Variants in POT1 observed in about 807,000 individuals in gnomAD.
The protein encoded by POT1 is protection of telomeres protein 1.
In POT1, 47 loss-of-function variants were observed where a neutral mutation model predicts 78.5. That is an observed-to-expected ratio of 0.60 (90% CI 0.47 to 0.76). The LOEUF (loss-of-function observed/expected upper bound fraction) is 0.76. POT1 is among the 30% of genes least tolerant of loss of function. POT1 has a pLI of 0.00. For synonymous variants in POT1, 259 were observed against 260.7 expected (o/e 0.99, Z 0.06); for missense variants, 646 against 749.9 (o/e 0.86, Z 1.62).
At chr7:124,882,107 TTTA>T (rs1360042661) in intron 6 of POT1, among the ~76,000 whole-genome samples, 7 of 151,954 alleles carry the variant, frequency 4.6e-5, no homozygotes, top group Non-Finnish European at 8.8e-5. Flanking sequence ...GCCTTGGAGT[TTTA>T]TTATAAGGGA....
intron 2 of POT1, among the ~76,000 whole-genome samples, chr7:124,924,631 C>T (rs1436985781): frequency 1.3e-5 from 2 of 151,906 alleles, no homozygotes; most frequent in African/African-American, 2.4e-5. Flanking sequence ...CAAGGTATCA[C>T]CCTGATATCA....
chr7:124,870,434 T>C (rs1020980533), intron 7 of POT1, among the ~76,000 whole-genome samples: 2 of 152,110 alleles, frequency 1.3e-5, no homozygotes, highest in African/African-American at 4.8e-5. Flanking sequence ...TTATTTCTTA[T>C]AAATGAAAAC....
chr7:124,849,049 C>T (rs2116491903), intron 11 of POT1, among the ~76,000 whole-genome samples: 1 of 152,188 alleles, frequency 6.6e-6, no homozygotes, highest in Admixed American at 6.5e-5. Context: ...TTATACATAA[C>T]AGTACATTAT....
intron 6 of POT1, among the ~76,000 whole-genome samples, chr7:124,885,156 T>C (rs1416419828): frequency 6.6e-6 from 1 of 152,024 alleles, no homozygotes; most frequent in Non-Finnish European, 1.5e-5. Context: ...TGATGAGTCA[T>C]TATCAAAACC....
chr7:124,924,169 A>AAC (rs1455776804), intron 2 of POT1, among the ~76,000 whole-genome samples: 1 of 150,040 alleles, frequency 6.7e-6, no homozygotes, highest in East Asian at 1.9e-4. Context: ...AAAAAAAAAA[A>AAC]CCCAAAGGAT....
chr7:124,881,378 G>A (rs1408651466), intron 6 of POT1, among the ~76,000 whole-genome samples: 1 of 151,776 alleles, frequency 6.6e-6, no homozygotes, highest in African/African-American at 2.4e-5. Context: ...GCACATGACT[G>A]TACTTTATTT....
intron 3 of POT1, among the ~76,000 whole-genome samples, chr7:124,903,437 C>A (rs763681357): frequency 1.3e-5 from 2 of 152,082 alleles, no homozygotes; most frequent in East Asian, 1.9e-4. Flanking sequence ...GGGTACATAA[C>A]AAAATGAAGG....
chr7:124,890,729 TA>T (rs1337119269), intron 6 of POT1, among the ~76,000 whole-genome samples: 10 of 151,926 alleles, frequency 6.6e-5, no homozygotes, highest in African/African-American at 2.4e-4. Flanking sequence ...TCAAGGTGCA[TA>T]CATTTTTTAA....
At chr7:124,855,948 A>G (rs1795436743) in intron 9 of POT1, among the ~76,000 whole-genome samples, 1 of 152,124 alleles carries the variant, frequency 6.6e-6, no homozygotes, top group Admixed American at 6.5e-5. Context: ...CAGACAAAAG[A>G]TTTGAAATCT....
intron 2 of POT1, among the ~76,000 whole-genome samples, chr7:124,922,942 A>G (rs1375349798): frequency 6.6e-6 from 1 of 151,936 alleles, no homozygotes; most frequent in African/African-American, 2.4e-5. Flanking sequence ...TATAAGGGCC[A>G]CACTACCACA....
intron 2 of POT1, among the ~76,000 whole-genome samples, chr7:124,917,952 T>G (rs971021541): frequency 6.6e-6 from 1 of 152,098 alleles, no homozygotes; most frequent in African/African-American, 2.4e-5. Flanking sequence ...GCATTAATCA[T>G]CTTTGTCTTT....
At chr7:124,886,431 C>A (rs1303605175) in intron 6 of POT1, among the ~76,000 whole-genome samples, 1 of 152,202 alleles carries the variant, frequency 6.6e-6, no homozygotes, top group South Asian at 2.1e-4. Flanking sequence ...TGAAGGTTAT[C>A]TTTTCCTGAA....
chr7:124,922,539 T>C (rs576512103), intron 2 of POT1, among the ~76,000 whole-genome samples: 3 of 151,990 alleles, frequency 2.0e-5, no homozygotes, highest in Non-Finnish European at 4.4e-5. Flanking sequence ...AAGCAGGACA[T>C]GAGAAATAAC....
chr7:124,867,868 G>C (rs1795769874), intron 7 of POT1, among the ~76,000 whole-genome samples: 1 of 151,940 alleles, frequency 6.6e-6, no homozygotes, highest in Non-Finnish European at 1.5e-5. Flanking sequence ...GGCTGGTCTT[G>C]AACTCCTGAC....
intron 3 of POT1, among the ~76,000 whole-genome samples, chr7:124,914,443 A>AT (rs1483901650): frequency 1.3e-5 from 2 of 152,114 alleles, no homozygotes; most frequent in African/African-American, 4.8e-5. Context: ...ACAGCTTAAC[A>AT]TATCAAGTCT....
intron 15 of POT1, 61 bp downstream of exon 15, chr7:124,835,218 T>G: frequency 6.3e-7 from 1 of 1,581,680 alleles, no homozygotes; most frequent in Non-Finnish European, 8.6e-7. Flanking sequence ...GTTCAGCACA[T>G]GACCCCAGAA....
At chr7:124,897,393 T>TA (rs11329934) in intron 4 of POT1, among the ~76,000 whole-genome samples, 181 bp from the exon 5 acceptor site, 4 of 150,096 alleles carry the variant, frequency 2.7e-5, no homozygotes, top group South Asian at 2.1e-4. Flanking sequence ...TACAGAAACT[T>TA]AAAAAAAAAA....
At chr7:124,856,691 C>A (rs561712683) in intron 9 of POT1, among the ~76,000 whole-genome samples, 1 of 151,882 alleles carries the variant, frequency 6.6e-6, no homozygotes. Context: ...TGTTTGGAAG[C>A]AGTATAGGGA....
intron 15 of POT1, 55 bp from the exon 16 acceptor site, chr7:124,829,397 G>T: frequency 8.4e-7 from 1 of 1,189,822 alleles, no homozygotes; most frequent in Non-Finnish European, 1.2e-6. Flanking sequence ...TAGCTTGTTT[G>T]TTATAACTTT....
Sources: gnomAD v4.1 joint callset for allele counts (sites outside exome capture counted in the v4.1 genomes callset) on GRCh38, gnomAD v4.1.1 for gene constraint, MANE v1.5 for transcripts, NCBI Gene and HGNC (gene_info 2026-07-23, HGNC 2026-07-21) for gene names.